Variants in TYW1 observed in about 807,000 individuals in gnomAD.
TYW1 encodes tRNA-yW synthesizing protein 1 homolog, also known as S-adenosyl-L-methionine-dependent tRNA 4-demethylwyosine synthase TYW1.
TYW1 carries 46 observed loss-of-function variants against 96.2 expected under a neutral mutation model. The ratio of observed to expected loss-of-function variants is 0.48; its 90% CI spans 0.38 to 0.61. The LOEUF (loss-of-function observed/expected upper bound fraction) is 0.61, where lower values mean the gene tolerates loss of function less well. Ranked by LOEUF, TYW1 falls within the 20% of genes least tolerant of loss-of-function variation. The probability of loss-of-function intolerance (pLI) is 0.00; values close to 1 mark genes in which losing one functional copy is unlikely to be tolerated. For missense variants in TYW1, 684 were observed against 909.6 expected (o/e 0.75, Z 3.19); for synonymous variants, 274 against 323.0 (o/e 0.85, Z 1.63).
chr7:67,176,758 A>G (rs1205110358), intron 13 of TYW1, among the ~76,000 whole-genome samples: 1 of 152,192 alleles, frequency 6.6e-6, no homozygotes, highest in Non-Finnish European at 1.5e-5. Flanking sequence ...CAGAAGGACG[A>G]CATAAGAGAA....
chr7:67,206,598 G>A (rs750453532), intron 15 of TYW1, among the ~76,000 whole-genome samples: 4 of 150,600 alleles, frequency 2.7e-5, no homozygotes, highest in African/African-American at 9.8e-5. Flanking sequence ...GCCACTGGGC[G>A]ACAAAATGAG....
At chr7:67,186,653 A>AT (rs1800034658) in intron 14 of TYW1, among the ~76,000 whole-genome samples, 1 of 151,962 alleles carries the variant, frequency 6.6e-6, no homozygotes, top group African/African-American at 2.4e-5. Flanking sequence ...CACCTGGCTA[A>AT]TTTAAAACAT....
rs1250209301 is a variant in TYW1 at position 66,996,959 on chromosome 7, T to A, written c.-20T>A. Reference sequence around the variant, plus strand: ...GCTATCCAGGTCCGAGATCCTAGTCTCCTGTCGGCTCTGAGGAGGATGGGT... The same window carrying A: ...GCTATCCAGGTCCGAGATCCTAGTCACCTGTCGGCTCTGAGGAGGATGGGT... On this transcript the variant is annotated 5_prime_UTR_variant, in exon 1 of 16. Coordinates refer to ENST00000359626, the MANE Select transcript of TYW1 (RefSeq NM_018264.4). 1.2e-6 allele frequency: 2 copies of A among 1,613,972 alleles called. No homozygotes were observed. The highest frequency in any genetic ancestry group is 2.7e-5 in the African/African-American group (2 of 74,930).
intron 10 of TYW1, among the ~76,000 whole-genome samples, chr7:67,080,906 A>G (rs1285868612): frequency 1.1e-5 from 1 of 88,360 alleles, no homozygotes; most frequent in Non-Finnish European, 2.2e-5. Context: ...TGACTTACTC[A>G]TGTTGTTTTG....
chr7:67,170,966 A>AT (rs34655602), intron 13 of TYW1, among the ~76,000 whole-genome samples: 42,400 of 151,544 alleles, frequency 0.28, 6,451 homozygotes, highest in African/African-American at 0.4. Flanking sequence ...TTCCTCTGCT[A>AT]TTTTTTTTGG....
intron 14 of TYW1, among the ~76,000 whole-genome samples, chr7:67,192,529 A>C (rs1800253713): frequency 6.6e-6 from 1 of 152,252 alleles, no homozygotes; most frequent in African/African-American, 2.4e-5. Flanking sequence ...CATAAGCAGT[A>C]TTTAAATTGA....
intron 15 of TYW1, among the ~76,000 whole-genome samples, chr7:67,203,013 CAT>C (rs1800651794): frequency 6.6e-6 from 1 of 152,224 alleles, no homozygotes; most frequent in Non-Finnish European, 1.5e-5. Flanking sequence ...AATGCATTCA[CAT>C]GTGTGTGTTT....
chr7:67,043,822 C>T (rs1022104501), intron 7 of TYW1, among the ~76,000 whole-genome samples: 6 of 152,086 alleles, frequency 3.9e-5, no homozygotes, highest in South Asian at 2.1e-4. Context: ...CGCTTGGGCA[C>T]GCTGCTTTTC....
intron 13 of TYW1, among the ~76,000 whole-genome samples, chr7:67,166,332 A>ATATATATAATATAATATATATT (rs1491143794): frequency 2.7e-5 from 3 of 109,396 alleles, no homozygotes; most frequent in Non-Finnish European, 6.0e-5. Context: ...TAACATATAT[A>ATATATATAATATAATATATATT]ATATATATAA....
intron 9 of TYW1, among the ~76,000 whole-genome samples, chr7:67,056,493 A>G (rs946814032): frequency 1.4e-5 from 2 of 139,394 alleles, no homozygotes; most frequent in African/African-American, 5.2e-5. Flanking sequence ...ATTCCATCTC[A>G]AAAAAAAAAA....
chr7:67,025,351 T>C (rs990323164), intron 7 of TYW1, among the ~76,000 whole-genome samples: 3 of 139,082 alleles, frequency 2.2e-5, no homozygotes, highest in Non-Finnish European at 4.6e-5. Context: ...AATACACTAA[T>C]GATAGCTGAT....
chr7:67,167,468 C>CAAAAAAAAAAAAA (rs869281504), intron 13 of TYW1, among the ~76,000 whole-genome samples: 2 of 78,804 alleles, frequency 2.5e-5, no homozygotes, highest in Non-Finnish European at 4.6e-5. Context: ...GACTCTGTCT[C>CAAAAAAAAAAAAA]AAAAAAAAAA....
intron 10 of TYW1, among the ~76,000 whole-genome samples, chr7:67,072,636 T>G (rs17680847): frequency 0.035 from 5,309 of 152,254 alleles, 300 homozygotes; most frequent in East Asian, 0.16. Context: ...CGGTGAACAT[T>G]TATCGTCATA....
intron 13 of TYW1, among the ~76,000 whole-genome samples, chr7:67,128,685 T>G (rs1797975621): frequency 7.1e-6 from 1 of 139,982 alleles, no homozygotes; most frequent in South Asian, 2.3e-4. Context: ...TGATTAGGTC[T>G]CAGTGTTTTT....
chr7:67,078,479 A>G (rs1283125422), intron 10 of TYW1, among the ~76,000 whole-genome samples: 2 of 152,080 alleles, frequency 1.3e-5, no homozygotes, highest in Non-Finnish European at 2.9e-5. Flanking sequence ...GGGGATTTTA[A>G]TGGTTCCATG....
At chr7:67,221,171 G>A (rs1176429854) in intron 15 of TYW1, among the ~76,000 whole-genome samples, 1 of 152,156 alleles carries the variant, frequency 6.6e-6, no homozygotes, top group Non-Finnish European at 1.5e-5. Context: ...TTGATTATCT[G>A]TTATGAGCTG....
chr7:67,103,180 T>G (rs1797141567), intron 12 of TYW1, among the ~76,000 whole-genome samples: 1 of 152,244 alleles, frequency 6.6e-6, no homozygotes, highest in African/African-American at 2.4e-5. Context: ...GTCTGAGATC[T>G]GCAGATTACT....
At chr7:67,078,623 G>C (rs1481465208) in intron 10 of TYW1, among the ~76,000 whole-genome samples, 1 of 152,058 alleles carries the variant, frequency 6.6e-6, no homozygotes, top group African/African-American at 2.4e-5. Flanking sequence ...CATGGAGATG[G>C]GGTATCTTTC....
intron 13 of TYW1, among the ~76,000 whole-genome samples, chr7:67,125,524 G>A (rs13232027): frequency 0.28 from 42,048 of 151,770 alleles, 6,672 homozygotes; most frequent in African/African-American, 0.44. Context: ...AACATCACCC[G>A]CAAGAGTGGC....
Sources: allele counts gnomAD v4.1 joint callset (sites outside exome capture counted in the v4.1 genomes callset), GRCh38; gene constraint gnomAD v4.1.1; transcripts MANE v1.5; gene names NCBI Gene and HGNC (gene_info 2026-07-23, HGNC 2026-07-21).